The following ESPNL variants were observed in gnomAD, a reference collection of about 807,000 sequenced individuals.
ESPNL encodes espin-like protein.
A neutral mutation model predicts 46.8 loss-of-function variants in ESPNL; 49 were observed. The ratio of observed to expected loss-of-function variants is 1.05; its 90% CI spans 0.83 to 1.33. The LOEUF (loss-of-function observed/expected upper bound fraction) is 1.33. ESPNL is among the 40% of genes most tolerant of loss of function. ESPNL has a pLI of 0.00. For missense variants in ESPNL, 1,540 were observed against 1,436.6 expected, an observed-to-expected ratio of 1.07 and a Z score of -1.16; for synonymous variants, 664 against 662.1, an observed-to-expected ratio of 1.00 and a Z score of -0.04.
chr2:238,130,707 C>A lies in ESPNL; in HGVS notation c.1993C>A (p.Pro665Thr). The A allele has an allele frequency of 1.3e-6, 2 of 1,567,248 alleles. No individual in the cohort carries two copies. The highest frequency in any genetic ancestry group is 2.3e-5 in the East Asian group (1 of 42,694). Residue 665 changes from proline (P) to threonine (T), a missense_variant, in exon 9 of 9, where the codon CCA (proline) becomes ACA (threonine). Physicochemically the swap from Pro to Thr is conservative, Grantham distance 38 (BLOSUM62 -1). Transcript: ENST00000343063. ...GGGCAACTTCGAGTCGGCCTCTGGC[C>A]CACTCTGTGGCTTCAACCCTGGCCC... ...LRGNFESASG[P>T]LCGFNPGPCE...
At chr2:238,100,804 C>A in intron 1 of ESPNL, 91 bp downstream of exon 1, 1 of 1,170,720 alleles carries the variant, frequency 8.5e-7, no homozygotes, top group South Asian at 2.0e-5. Flanking sequence ...TACTGGCCAC[C>A]CCGGGCTCCA....
chr2:238,128,652 C>G, intron 7 of ESPNL, 55 bp from the exon 8 acceptor site: 2 of 1,514,610 alleles, frequency 1.3e-6, no homozygotes, highest in Non-Finnish European at 1.8e-6. Flanking sequence ...GATCTTCCCT[C>G]CACTCAGGGC....
intron 5 of ESPNL, among the ~76,000 whole-genome samples, chr2:238,124,249 C>T (rs1193120023): frequency 6.6e-6 from 1 of 152,232 alleles, no homozygotes; most frequent in East Asian, 1.9e-4. Flanking sequence ...CCACGTCTGG[C>T]TTCCAGTGCC....
chr2:238,122,120 C>T (rs757509725), intron 5 of ESPNL, among the ~76,000 whole-genome samples: 5 of 152,274 alleles, frequency 3.3e-5, no homozygotes, highest in Non-Finnish European at 7.3e-5. Context: ...GACCACCAGC[C>T]TCAGGGCAAC....
rs747614402 is a variant in ESPNL at position 238,101,414 on chromosome 2, C to T, written c.295-527C>T. Among the ~76,000 whole-genome samples the T allele has an allele frequency of 2.0e-5, 3 of 152,330 alleles. No homozygotes were observed. In the East Asian group the frequency reaches 5.8e-4, roughly 29 times the overall value. On this transcript the variant is annotated intron_variant, in intron 1 of 8. Coordinates refer to ENST00000343063, the MANE Select transcript of ESPNL (RefSeq NM_194312.4). ...AGCATCCTGTTCCTGTCGGCCCTTC[C>T]GCCAAACCCAAGGGCAGCAGGCGGG...
At chr2:238,107,681 G>GC (rs1691626230) in intron 3 of ESPNL, 110 bp from the exon 4 acceptor site, 1 of 1,125,444 alleles carries the variant, frequency 8.9e-7, no homozygotes, top group Non-Finnish European at 1.3e-6. Context: ...TGTACCCTGT[G>GC]CCCCGAGAGG....
In ESPNL at chr2:238,128,790, C is replaced by T; in HGVS notation, c.1299C>T (p.Asp433=). 1 of 1,573,130 alleles carries T rather than the reference C, an allele frequency of 6.4e-7. No homozygotes were observed. Among genetic ancestry groups the T allele is most frequent in the Non-Finnish European group, 8.6e-7 (1 of 1,160,346 alleles). ...QLDGLPSGDI[D]GLVPTRDERG... is the part of the protein sequence containing the mutation. The stretch of plus-strand genomic sequence containing the variant: ...ATGGGCTGCCCTCAGGCGACATCGA[C>T]GGGCTGGTGCCCACGCGGGATGAGC... The change falls in exon 8 of 9, where the codon GAC becomes GAT. Residue 433 remains aspartate, a synonymous_variant. Coordinates refer to ENST00000343063, the MANE Select transcript of ESPNL (RefSeq NM_194312.4).
In ESPNL at chr2:238,130,363, T is replaced by C; in HGVS notation, c.1649T>C (p.Val550Ala). The C allele has an allele frequency of 6.2e-7, 1 of 1,610,440 alleles. No individual in the cohort carries two copies. The change falls in exon 9 of 9, where the codon GTC (valine) becomes GCC (alanine). Residue 550 changes from valine to alanine, a missense_variant. By Grantham distance (64) the Val-to-Ala change is moderately conservative. Transcript: ENST00000343063. ...LLPEPLVSIT[V>A]NSHFLPRAPG... ...CCCGAGCCCCTGGTCAGCATCACGG[T>C]CAACAGCCACTTCCTGCCCCGGGCG...
rs950627431 is a variant in ESPNL, at chr2:238,114,716, A to T, written c.856-2187A>T. Among the ~76,000 whole-genome samples the T allele has an allele frequency of 6.6e-6, 1 of 152,248 alleles. No individual in the cohort carries two copies. Among genetic ancestry groups the T allele is most frequent in the Non-Finnish European group, 1.5e-5 (1 of 68,048 alleles). On this transcript the variant is annotated intron_variant, in intron 4 of 8. Coordinates refer to ENST00000343063, the MANE Select transcript of ESPNL (RefSeq NM_194312.4). This position sits in a 1 kb window ranked among gnomAD's most constrained non-coding sequence, Gnocchi z 5.0. ...TTGTGTGGCCCCACAAGCTCAAAAT[A>T]GTTTTTCCCTTTTTAAATGGGGAAA...
intron 5 of ESPNL, among the ~76,000 whole-genome samples, chr2:238,120,406 C>T (rs1295247749): frequency 6.6e-6 from 1 of 152,234 alleles, no homozygotes; most frequent in Non-Finnish European, 1.5e-5. Context: ...CCCGCCCGAC[C>T]TCCTGGGAGT....
At chr2:238,112,968 C>T (rs1691743526) in intron 4 of ESPNL, among the ~76,000 whole-genome samples, 1 of 152,220 alleles carries the variant, frequency 6.6e-6, no homozygotes. Context: ...CTGTTCGCTA[C>T]ATGTCCATTA....
rs780397786 is a variant in ESPNL at position 238,130,771 on chromosome 2, G to C, written c.2057G>C (p.Gly686Ala). Residue 686 changes from glycine (G) to alanine (A), a missense_variant, in exon 9 of 9, where the codon GGC (glycine) becomes GCC (alanine). Coordinates refer to ENST00000343063, the MANE Select transcript of ESPNL (RefSeq NM_194312.4). ...GCCCAGCACAGGCAGTGCCTGAGTG[G>C]CTGCTGGCCAGCCCTGCCTAAGCCC... Reference protein sequence around the residue: ...PGAQHRQCLSGCWPALPKPRS... With the variant: ...PGAQHRQCLSACWPALPKPRS... 2 of 1,550,998 alleles carry C rather than the reference G, an allele frequency of 1.3e-6. No individual in the cohort carries two copies. Among genetic ancestry groups the C allele is most frequent in the Admixed American group, 3.8e-5 (2 of 52,856 alleles).
intron 6 of ESPNL, 137 bp from the exon 7 acceptor site, chr2:238,127,485 A>C: frequency 2.6e-6 from 2 of 763,342 alleles, no homozygotes; most frequent in African/African-American, 3.8e-5. Flanking sequence ...GTTCTGGGGC[A>C]GGGTGGGCTG....
In ESPNL at chr2:238,116,761, C is replaced by T. The variant is rs898634401; in HGVS notation, c.856-142C>T. On this transcript the variant is annotated intron_variant, in intron 4 of 8. Transcript: ENST00000343063. Reference sequence around the variant, plus strand: ...TAGGCAGGTCTCTGGCACCCCACGGCCCAGATTCAAGTCCTGCCCCTGCTG... The same window carrying T: ...TAGGCAGGTCTCTGGCACCCCACGGTCCAGATTCAAGTCCTGCCCCTGCTG... The T allele has an allele frequency of 3.6e-6, 4 of 1,119,002 alleles. No individual in the cohort carries two copies. The African/African-American group carries it at 4.7e-5, about 13-fold the overall frequency. The allele number at this position is 1,119,002 out of a possible 1,614,324, so 69.3% of individuals were successfully genotyped here. A position where few individuals can be genotyped will look rare whatever the true frequency, so the allele number is the denominator to read the frequency against.
In ESPNL at chr2:238,131,889, A is replaced by G. The variant is rs1692350899; in HGVS notation, c.*157A>G. On this transcript the variant is annotated 3_prime_UTR_variant, in exon 9 of 9. Coordinates refer to ENST00000343063, the MANE Select transcript of ESPNL (RefSeq NM_194312.4). ...GGCTGCGGGACTGTTCTGTTGTGGC[A>G]TGGTTCTCCTCCGAGCTGGGACTCA... 1.3e-6 allele frequency: 1 copy of G among 792,036 alleles called. No individual in the cohort carries two copies. Among genetic ancestry groups the G allele is most frequent in the Non-Finnish European group, 2.0e-6 (1 of 501,794 alleles). The allele number at this position is 792,036 out of a possible 1,614,324, so 49.1% of individuals were successfully genotyped here.
intron 5 of ESPNL, among the ~76,000 whole-genome samples, chr2:238,124,923 C>G (rs1452418357): frequency 1.3e-5 from 2 of 152,202 alleles, no homozygotes; most frequent in Non-Finnish European, 2.9e-5. Flanking sequence ...CTGGGCACAG[C>G]TGGAAACCAG....
chr2:238,131,126 C>T lies in ESPNL; in HGVS notation c.2412C>T (p.Ile804=), dbSNP rs1692319041. ...ACCTGTGGCAGCAGCGCAGCACCAT[C>T]ACCCACCTGCTGGGCAACTGGAAGG... ...LGHLWQQRST[I]THLLGNWKAI... Residue 804 remains isoleucine (I), a synonymous_variant, in exon 9 of 9, where the codon ATC becomes ATT. Coordinates refer to ENST00000343063, the MANE Select transcript of ESPNL (RefSeq NM_194312.4). 1 of 1,545,664 alleles carries T rather than the reference C, an allele frequency of 6.5e-7. No individual in the cohort carries two copies. The highest frequency in any genetic ancestry group is 2.4e-5 in the East Asian group (1 of 40,912).
chr2:238,125,959 TTC>T (rs773690913), intron 6 of ESPNL, among the ~76,000 whole-genome samples: 3 of 152,204 alleles, frequency 2.0e-5, no homozygotes, highest in African/African-American at 4.8e-5. Context: ...ACGGGGACCC[TTC>T]TCTGTGTGTG....
intron 1 of ESPNL, among the ~76,000 whole-genome samples, chr2:238,101,543 C>G (rs79247030): frequency 0.014 from 2,123 of 152,306 alleles, 44 homozygotes; most frequent in African/African-American, 0.049. Flanking sequence ...GCCCCGGGAC[C>G]CTGTGGCCAG....
Sources: allele counts gnomAD v4.1 joint callset (sites outside exome capture counted in the v4.1 genomes callset), GRCh38; gene constraint gnomAD v4.1.1; non-coding constraint Gnocchi (gnomAD v3.1); transcripts MANE v1.5; gene names NCBI Gene and HGNC (gene_info 2026-07-23, HGNC 2026-07-21).